AMMECR1: variants seen among roughly 807,000 people sequenced by gnomAD.
The protein encoded by AMMECR1 is AMMECR nuclear protein 1, also known as nuclear protein AMMECR1.
AMMECR1 carries 3 observed loss-of-function variants against 22.5 expected under a neutral mutation model. That is an observed-to-expected ratio of 0.13 (90% CI 0.06 to 0.35). The LOEUF is 0.35. Among genes scored for constraint, AMMECR1 ranks in the 10% least tolerant of loss-of-function variants. AMMECR1 has a pLI of 1.00. For missense variants in AMMECR1, 235 were observed against 278.7 expected (o/e 0.84, Z 1.12); for synonymous variants, 130 against 116.7 (o/e 1.11, Z -0.74).
chrX:110,342,518 C>T (rs1014251737), intron 2 of AMMECR1, among the ~76,000 whole-genome samples: 1 of 110,771 alleles, frequency 9.0e-6, no homozygotes, highest in African/African-American at 3.3e-5. Context: ...ATTACAGGCA[C>T]ACGCCACCAC....
intron 1 of AMMECR1, among the ~76,000 whole-genome samples, chrX:110,280,741 T>C (rs781720498): frequency 8.9e-6 from 1 of 111,784 alleles, no homozygotes; most frequent in Admixed American, 9.5e-5. Flanking sequence ...AGGATCATAC[T>C]GTATGGTTTT....
At position 110,396,601 on chromosome X, in the gene AMMECR1, TG is replaced by T. The variant is rs1371238291; in HGVS notation, c.-148+30056del. On this transcript the variant is annotated intron_variant, in intron 2 of 7. Coordinates refer to the AMMECR1 transcript ENST00000372057. ...GCTGGAATTACAGTTTGATGTGTAT[TG>T]GGTACTCACAATGTGCCCTTTTAGG... Among the ~76,000 whole-genome samples, 4 of 111,982 alleles carry T rather than the reference TG, an allele frequency of 3.6e-5. 1 individual carries two copies. The highest frequency in any genetic ancestry group is 7.5e-5 in the Non-Finnish European group (4 of 53,240).
chrX:110,295,028 TA>T (rs35255364), intron 1 of AMMECR1, among the ~76,000 whole-genome samples: 14 of 106,371 alleles, frequency 1.3e-4, no homozygotes, highest in African/African-American at 1.4e-4. Flanking sequence ...ACCTCTATTT[TA>T]AAAAAAAAAG....
At chrX:110,403,780 C>T (rs778421362) in intron 2 of AMMECR1, among the ~76,000 whole-genome samples, 67 of 112,459 alleles carry the variant, frequency 6.0e-4, no homozygotes, top group African/African-American at 1.2e-3. Flanking sequence ...TGTGAATATT[C>T]ATGTGTTTTT....
chrX:110,307,853 CTTTTT>C (rs1158202877), intron 1 of AMMECR1, among the ~76,000 whole-genome samples: 9 of 90,983 alleles, frequency 9.9e-5, no homozygotes, highest in African/African-American at 3.6e-4. Flanking sequence ...CTGCTAGAAA[CTTTTT>C]TTTTTCTTTT....
intron 2 of AMMECR1, among the ~76,000 whole-genome samples, chrX:110,380,280 A>C (rs1473283398): frequency 8.9e-6 from 1 of 112,103 alleles, no homozygotes; most frequent in African/African-American, 3.2e-5. Flanking sequence ...GGGACAATAA[A>C]AGATTTTGTA....
intron 2 of AMMECR1, among the ~76,000 whole-genome samples, chrX:110,360,712 G>A (rs1424869167): frequency 9.0e-6 from 1 of 111,503 alleles, no homozygotes; most frequent in African/African-American, 3.3e-5. Flanking sequence ...CAAATGAGAT[G>A]ATGAGTTTCA....
chrX:110,314,653 G>A (rs2068039814), intron 1 of AMMECR1, among the ~76,000 whole-genome samples: 2 of 111,845 alleles, frequency 1.8e-5, no homozygotes, highest in African/African-American at 6.5e-5. Context: ...ATAGCTATCT[G>A]GGCTCCCTAC....
chrX:110,252,560 A>C (rs898883235), intron 2 of AMMECR1, among the ~76,000 whole-genome samples: 7 of 112,537 alleles, frequency 6.2e-5, no homozygotes, highest in South Asian at 3.6e-4. Flanking sequence ...CACACACACA[A>C]AAAATACATT....
intron 2 of AMMECR1, among the ~76,000 whole-genome samples, chrX:110,221,472 A>G (rs1331226095): frequency 8.9e-6 from 1 of 112,032 alleles, no homozygotes; most frequent in African/African-American, 3.2e-5. Flanking sequence ...GAGGAAGAAC[A>G]AAAGACACAA....
At chrX:110,311,581 G>A (rs2068023493) in intron 1 of AMMECR1, among the ~76,000 whole-genome samples, 1 of 111,159 alleles carries the variant, frequency 9.0e-6, no homozygotes, top group Non-Finnish European at 1.9e-5. Flanking sequence ...CTTTGAGCAA[G>A]TTTCAATGTC....
At chrX:110,377,816 T>C (rs2068387767) in intron 2 of AMMECR1, among the ~76,000 whole-genome samples, 1 of 108,853 alleles carries the variant, frequency 9.2e-6, no homozygotes. Flanking sequence ...GAGACCATCC[T>C]GGCTAACACG....
intron 2 of AMMECR1, among the ~76,000 whole-genome samples, chrX:110,412,074 G>A (rs901725226): frequency 3.5e-5 from 4 of 112,811 alleles, no homozygotes; most frequent in Non-Finnish European, 5.6e-5. Context: ...ACACCAATCA[G>A]TAATAATTAA....
intron 2 of AMMECR1, among the ~76,000 whole-genome samples, chrX:110,399,672 G>A (rs1356915320): frequency 1.8e-5 from 2 of 111,498 alleles, no homozygotes; most frequent in Admixed American, 1.9e-4. Flanking sequence ...CTCATTGTGC[G>A]GCTAGCCTGC....
At chrX:110,382,398 A>G (rs2068426533) in intron 2 of AMMECR1, among the ~76,000 whole-genome samples, 1 of 111,508 alleles carries the variant, frequency 9.0e-6, no homozygotes. Flanking sequence ...TCTGGGAGAC[A>G]TGGATGAAGC....
intron 2 of AMMECR1, among the ~76,000 whole-genome samples, chrX:110,223,417 A>T (rs1276319184): frequency 8.9e-6 from 1 of 112,129 alleles, no homozygotes; most frequent in Non-Finnish European, 1.9e-5. Context: ...GTCATTTGTT[A>T]CTGTACACCA....
chrX:110,428,099 A>G (rs190252736), intron 1 of AMMECR1, among the ~76,000 whole-genome samples: 12 of 112,192 alleles, frequency 1.1e-4, no homozygotes, highest in Non-Finnish European at 2.3e-4. Context: ...GAGAGCTAGG[A>G]TCCCCACCTG....
chrX:110,416,508 T>C (rs1453660028), intron 2 of AMMECR1, among the ~76,000 whole-genome samples: 2 of 110,855 alleles, frequency 1.8e-5, no homozygotes, highest in Non-Finnish European at 3.8e-5. Context: ...CCGGGGTCAC[T>C]CAGGCTAGCA....
chrX:110,244,901 T>A (rs2067650961), intron 2 of AMMECR1, among the ~76,000 whole-genome samples: 1 of 112,393 alleles, frequency 8.9e-6, no homozygotes, highest in Non-Finnish European at 1.9e-5. Context: ...GTGACTATTC[T>A]AAGTTTGAAT....
Sources: allele counts gnomAD v4.1 joint callset (sites outside exome capture counted in the v4.1 genomes callset), GRCh38; gene constraint gnomAD v4.1.1; transcripts MANE v1.5; gene names NCBI Gene and HGNC (gene_info 2026-07-23, HGNC 2026-07-21).